SMG5: variants seen among roughly 807,000 people sequenced by gnomAD.
SMG5 encodes SMG5 nonsense mediated mRNA decay factor.
A neutral mutation model predicts 122.9 loss-of-function variants in SMG5; 53 were observed. That is an observed-to-expected ratio of 0.43 (90% CI 0.35 to 0.54). The LOEUF (loss-of-function observed/expected upper bound fraction) is 0.54. Among genes scored for constraint, SMG5 ranks in the 20% least tolerant of loss-of-function variants. The pLI is 0.01. For missense variants in SMG5, 1,153 were observed against 1,285.6 expected (o/e 0.90, Z 1.58); for synonymous variants, 477 against 490.2 (o/e 0.97, Z 0.35).
rs748786413 is a variant in SMG5, at chr1:156,266,419, G to A, written c.1256-39C>T. ...AAGGTCAGGTGGAGCCCGAGGAACAGGTGGAGCCTGGAAGCTGGAATGTGC... is the reference window on the plus strand; with the variant it reads ...AAGGTCAGGTGGAGCCCGAGGAACAAGTGGAGCCTGGAAGCTGGAATGTGC... On this transcript the variant is annotated intron_variant, in intron 11 of 21. Coordinates refer to ENST00000361813, the MANE Select transcript of SMG5 (RefSeq NM_015327.3). 2.5e-6 allele frequency: 4 copies of A among 1,601,458 alleles called. 1 individual carries two copies. Among genetic ancestry groups the A allele is most frequent in the Middle Eastern group, 1.7e-4 (1 of 5,910 alleles).
chr1:156,249,571 C>A lies in SMG5; in HGVS notation c.*1016G>T, dbSNP rs1008048424. On this transcript the variant is annotated 3_prime_UTR_variant, in exon 22 of 22. Transcript: ENST00000361813. Reference sequence around the variant, plus strand: ...GATCTCTGCTCCCAGATATTCACCTCAACACTCCAAAAGCCAGCCCCTTCA... The same window carrying A: ...GATCTCTGCTCCCAGATATTCACCTAAACACTCCAAAAGCCAGCCCCTTCA... 1.0e-4 allele frequency: 38 copies of A among 377,302 alleles called. No individual in the cohort carries two copies. The highest frequency in any genetic ancestry group is 7.3e-4 in the African/African-American group (34 of 46,878). 23.4% of individuals were successfully genotyped at this position (377,302 alleles called of 1,614,324 possible).
chr1:156,270,484 C>A (rs376896192), intron 7 of SMG5, among the ~76,000 whole-genome samples: 15 of 152,328 alleles, frequency 9.8e-5, no homozygotes, highest in African/African-American at 2.4e-4. Flanking sequence ...CTAAACAATG[C>A]CACTAGGAGA....
At chr1:156,262,567 T>C (rs2842880) in intron 13 of SMG5, among the ~76,000 whole-genome samples, 114,140 of 151,714 alleles carry the variant, frequency 0.75, 43,244 homozygotes, top group Admixed American at 0.82. Context: ...TGTTAAAGGA[T>C]GTGGCTTCTC....
chr1:156,267,444 G>T, intron 10 of SMG5, 26 bp downstream of exon 10: 1 of 1,609,690 alleles, frequency 6.2e-7, no homozygotes, highest in Non-Finnish European at 8.5e-7. Context: ...CAGTGGAAGA[G>T]AAAAGAGGAA....
At chr1:156,273,713 G>GTT (rs1662545836) in intron 5 of SMG5, among the ~76,000 whole-genome samples, 2 of 126,706 alleles carry the variant, frequency 1.6e-5, no homozygotes, top group African/African-American at 5.6e-5. Context: ...TTTTTGTTTT[G>GTT]TTTTCTTTTT....
chr1:156,287,471 TG>T (rs1391947929), upstream of SMG5, among the ~76,000 whole-genome samples: 3 of 152,000 alleles, frequency 2.0e-5, no homozygotes, highest in African/African-American at 2.4e-5. Flanking sequence ...GTCTCAAGGT[TG>T]GGGGGCCTGG....
chr1:156,250,833 TC>T, intron 21 of SMG5, 24 bp downstream of exon 21: 1 of 1,612,072 alleles, frequency 6.2e-7, no homozygotes, highest in Non-Finnish European at 8.5e-7. Context: ...TTCCACACCA[TC>T]CCCCCACCTC....
Position 156,268,117 on chromosome 1 carries a change from G to A in SMG5, c.906C>T (p.Ser302=). 4.3e-6 allele frequency: 7 copies of A among 1,614,124 alleles called. No individual in the cohort carries two copies. Among genetic ancestry groups the A allele is most frequent in the Non-Finnish European group, 5.9e-6 (7 of 1,179,986 alleles). The part of the protein sequence containing the change: ...MYLQSLLQPK[S]SSVDSELTSL... ...GGTTCATGCTCTCTTCCACTCACCT[G>A]CTTTTGGGCTGTAGGAGGCTTTGCA... Residue 302 remains serine, a splice_region_variant and synonymous_variant, in exon 9 of 22, where the codon AGC becomes AGT. Coordinates refer to ENST00000361813, the MANE Select transcript of SMG5 (RefSeq NM_015327.3).
chr1:156,253,867 T>A (rs1159893823), intron 16 of SMG5: 1 of 320,456 alleles, frequency 3.1e-6, no homozygotes, highest in East Asian at 7.1e-5. Flanking sequence ...ATGCACTTCC[T>A]CACCTTCTAC....
chr1:156,274,758 C>G lies in SMG5; in HGVS notation c.455-72G>C, dbSNP rs1011783569. 40 of 1,257,726 alleles carry G rather than the reference C, an allele frequency of 3.2e-5. No homozygotes were observed. The African/African-American group carries it at 5.2e-4, about 16-fold the overall frequency. The allele number at this position is 1,257,726 out of a possible 1,614,324, so 77.9% of individuals were successfully genotyped here. On this transcript the variant is annotated intron_variant, in intron 4 of 21. Transcript: ENST00000361813. ...CCCGCACCTATGAAGAAATACCCCTCCGAGATGTAGAGACTAAGAATCCAG... is the reference window on the plus strand; with the variant it reads ...CCCGCACCTATGAAGAAATACCCCTGCGAGATGTAGAGACTAAGAATCCAG...
chr1:156,251,302 G>A lies in SMG5; in HGVS notation c.2828+101C>T. 2.9e-6 allele frequency: 4 copies of A among 1,372,096 alleles called. No homozygotes were observed. In the South Asian group the frequency reaches 4.7e-5, roughly 16 times the overall value. The allele number at this position is 1,372,096 out of a possible 1,614,324, so 85.0% of individuals were successfully genotyped here. On this transcript the variant is annotated intron_variant, in intron 20 of 21. Coordinates refer to ENST00000361813, the MANE Select transcript of SMG5 (RefSeq NM_015327.3). ...GGAGGGCCCTGGCAGGCTACGTGTG[G>A]AGCCTCAGAATTATCCAGCCCTACC... is the stretch of plus-strand genomic sequence containing the variant.
In SMG5 at chr1:156,251,437, G is replaced by A. The variant is rs1162203290; in HGVS notation, c.2794C>T (p.Arg932Trp). The change falls in exon 20 of 22, where the codon CGG (arginine) becomes TGG (tryptophan). Residue 932 changes from arginine to tryptophan, a missense_variant. This residue lies in a region of SMG5 where 140 missense variants were observed against 227.8 expected (regional missense o/e 0.61). Coordinates refer to ENST00000361813, the MANE Select transcript of SMG5 (RefSeq NM_015327.3). ...CQKEVGKSFE[R>W]HKLKRQDADA... Reference sequence around the variant, plus strand: ...GCATCCTGCCTCTTCAGCTTATGCCGCTCAAAGCTCTTTCCCACCTCTTTC... The same window carrying A: ...GCATCCTGCCTCTTCAGCTTATGCCACTCAAAGCTCTTTCCCACCTCTTTC... The A allele has an allele frequency of 3.1e-5, 50 of 1,613,998 alleles. No individual in the cohort carries two copies. Among genetic ancestry groups the A allele is most frequent in the Non-Finnish European group, 3.9e-5 (46 of 1,180,022 alleles).
Position 156,250,923 on chromosome 1 carries a change from C to A in SMG5, c.2902G>T (p.Gly968Cys), listed in dbSNP as rs1438924252. Residue 968 changes from glycine (G) to cysteine (C), a missense_variant, in exon 21 of 22, where the codon GGC (glycine) becomes TGC (cysteine). This residue lies in a region of SMG5 where 84 missense variants were observed against 82.3 expected (regional missense o/e 1.02). Coordinates refer to ENST00000361813, the MANE Select transcript of SMG5 (RefSeq NM_015327.3). The part of the protein sequence containing the change: ...AQGAGEEDPS[G>C]MVTIITGLPL... ...AGGCCTGTGATGATGGTCACCATGC[C>A]ACTCGGATCCTCCTCACCTGCCCCC... 6.2e-7 allele frequency: 1 copy of A among 1,613,844 alleles called. No individual in the cohort carries two copies. Among genetic ancestry groups the A allele is most frequent in the African/African-American group, 1.3e-5 (1 of 74,888 alleles).
At chr1:156,277,812 TCTTA>T (rs1662750951) in intron 3 of SMG5, 109 bp downstream of exon 3, 1 of 1,427,224 alleles carries the variant, frequency 7.0e-7, no homozygotes, top group Admixed American at 1.8e-5. Context: ...GTGCCCAGCC[TCTTA>T]CTGCCATGTT....
At chr1:156,263,374 C>CAATG (rs1661948691) in intron 13 of SMG5, 21 bp downstream of exon 13, 1 of 1,598,788 alleles carries the variant, frequency 6.3e-7, no homozygotes, top group African/African-American at 1.3e-5. Flanking sequence ...CTGACAGGGG[C>CAATG]AATGGAGTGG....
the SMG5 span, among the ~76,000 whole-genome samples, chr1:156,289,109 A>G: frequency 6.6e-6 from 1 of 152,186 alleles, no homozygotes; most frequent in Admixed American, 6.5e-5. Context: ...TTTGTGCCTC[A>G]GTTTCATCAT....
chr1:156,268,408 A>G lies in SMG5; in HGVS notation c.721T>C (p.Ser241Pro). Residue 241 changes from serine (S) to proline (P), a missense_variant, in exon 8 of 22, where the codon TCA becomes CCA. Physicochemically the swap from Ser to Pro is moderately conservative, Grantham distance 74. Transcript: ENST00000361813. ...TAGGCTCCCTCAAAGGACACTTCTGACTGGATGCTGTAAGAGATAGAGGTG... is the reference window on the plus strand; with the variant it reads ...TAGGCTCCCTCAAAGGACACTTCTGGCTGGATGCTGTAAGAGATAGAGGTG... ...AMYCYLRCIQ[S>P]EVSFEGAYGN... 6.2e-7 allele frequency: 1 copy of G among 1,613,898 alleles called. No individual in the cohort carries two copies. Among genetic ancestry groups the G allele is most frequent in the Non-Finnish European group, 8.5e-7 (1 of 1,180,030 alleles).
chr1:156,249,626 G>A lies in SMG5; in HGVS notation c.*961C>T, dbSNP rs1661220265. On this transcript the variant is annotated 3_prime_UTR_variant, in exon 22 of 22. Transcript: ENST00000361813. ...TTCAGTCCTGCGGAAGGCAAAAGGA[G>A]GGACGGGGGCCTCTGACTGAGCAGC... 9.9e-6 allele frequency: 4 copies of A among 403,848 alleles called. No homozygotes were observed. Among genetic ancestry groups the A allele is most frequent in the East Asian group, 1.4e-4 (2 of 13,984 alleles). 25.0% of individuals were successfully genotyped at this position (403,848 alleles called of 1,614,324 possible).
intron 20 of SMG5, 33 bp downstream of exon 20, chr1:156,251,370 C>T (rs753112583): frequency 6.2e-7 from 1 of 1,612,632 alleles, no homozygotes; most frequent in African/African-American, 1.3e-5. Context: ...GGCAGGTGGC[C>T]TGAGGTTCTA....
Sources: gnomAD v4.1 joint callset for allele counts (sites outside exome capture counted in the v4.1 genomes callset) on GRCh38, gnomAD v4.1.1 for gene constraint, gnomAD v4.1.1 regional missense constraint, MANE v1.5 for transcripts, NCBI Gene and HGNC (gene_info 2026-07-23, HGNC 2026-07-21) for gene names.